Variants in SGO2 observed in about 807,000 individuals in gnomAD.
SGO2 encodes the protein shugoshin-like 2.
SGO2 carries 68 observed loss-of-function variants against 99.5 expected under a neutral mutation model. That is an observed-to-expected ratio of 0.68 (90% CI 0.56 to 0.84). The LOEUF is 0.84. Among genes scored for constraint, SGO2 ranks in the 40% least tolerant of loss-of-function variants. The pLI, the probability that SGO2 is intolerant of heterozygous loss-of-function variation, is 0.00. For missense variants in SGO2, 1,350 were observed against 1,436.7 expected, an observed-to-expected ratio of 0.94 and a Z score of 0.97; for synonymous variants, 457 against 487.1, an observed-to-expected ratio of 0.94 and a Z score of 0.81.
intron 5 of SGO2, among the ~76,000 whole-genome samples, chr2:200,545,947 A>C (rs2032189947): frequency 6.6e-6 from 1 of 152,198 alleles, no homozygotes; most frequent in Admixed American, 6.5e-5. Flanking sequence ...TCTGCTCTGT[A>C]ACTCAGCCAA....
intron 8 of SGO2, among the ~76,000 whole-genome samples, chr2:200,581,238 T>G (rs914178323): frequency 6.6e-6 from 1 of 152,148 alleles, no homozygotes. Flanking sequence ...CTGTATTTAT[T>G]ATGTTGCTTA....
chr2:200,567,743 A>G (rs925118879), intron 5 of SGO2, among the ~76,000 whole-genome samples: 2 of 152,142 alleles, frequency 1.3e-5, no homozygotes, highest in African/African-American at 4.8e-5. Context: ...TTCACTTAGC[A>G]TATTGTTTTC....
At chr2:200,554,223 T>A (rs1329974341) in intron 5 of SGO2, among the ~76,000 whole-genome samples, 1 of 152,146 alleles carries the variant, frequency 6.6e-6, no homozygotes, top group African/African-American at 2.4e-5. Flanking sequence ...AAGCTGTAAA[T>A]AGCTCAAAAG....
chr2:200,532,276 TTTTTTTTG>T (rs934893211), intron 1 of SGO2: 6 of 381,638 alleles, frequency 1.6e-5, no homozygotes, highest in African/African-American at 2.5e-5. Flanking sequence ...TTTTTTGTTT[TTTTTTTTG>T]TTTTTTTTTT....
At position 200,573,374 on chromosome 2, in the gene SGO2, A is replaced by G; in HGVS notation, c.3028A>G (p.Thr1010Ala). The part of the protein sequence containing the change: ...KAKNKLASQL[T>A]ESSQTSISLE... ...TAAGAACAAACTTGCTTCACAGTTA[A>G]CAGAATCTTCACAGACATCTATCTC... The change falls in exon 7 of 9, where the codon ACA (threonine) becomes GCA (alanine). Residue 1010 changes from threonine to alanine, a missense_variant. Transcript: ENST00000357799. 6.2e-7 allele frequency: 1 copy of G among 1,602,462 alleles called. No homozygotes were observed.
At chr2:200,541,705 C>G (rs1574842320) in intron 4 of SGO2, among the ~76,000 whole-genome samples, 1 of 152,208 alleles carries the variant, frequency 6.6e-6, no homozygotes, top group African/African-American at 2.4e-5. Context: ...GGGATGTGCT[C>G]TTTAACACTG....
intron 5 of SGO2, among the ~76,000 whole-genome samples, chr2:200,549,242 A>G (rs1335902005): frequency 6.6e-6 from 1 of 152,154 alleles, no homozygotes; most frequent in East Asian, 1.9e-4. Flanking sequence ...TGTTCACACC[A>G]CTGCACTCCA....
At chr2:200,540,340 G>A (rs2031904095) in intron 4 of SGO2, among the ~76,000 whole-genome samples, 1 of 152,138 alleles carries the variant, frequency 6.6e-6, no homozygotes. Context: ...TTGTGTTTAA[G>A]CAGACCTCCT....
At chr2:200,543,667 C>T (rs1033333731) in intron 5 of SGO2, 2 of 152,030 alleles carry the variant, frequency 1.3e-5, no homozygotes, top group Non-Finnish European at 2.9e-5. Flanking sequence ...ATTGACTTGC[C>T]TATTATGTGT....
chr2:200,557,984 C>T (rs1415866925), intron 5 of SGO2, among the ~76,000 whole-genome samples: 2 of 151,874 alleles, frequency 1.3e-5, no homozygotes, highest in East Asian at 3.9e-4. Flanking sequence ...CTGCCTCAGC[C>T]TCCTGAGTAG....
intron 5 of SGO2, among the ~76,000 whole-genome samples, chr2:200,568,329 A>G (rs2033269080): frequency 6.6e-6 from 1 of 152,056 alleles, no homozygotes; most frequent in Non-Finnish European, 1.5e-5. Context: ...CATATATTGG[A>G]TAATATTAGA....
At chr2:200,561,844 G>A (rs2032984364) in intron 5 of SGO2, among the ~76,000 whole-genome samples, 1 of 152,192 alleles carries the variant, frequency 6.6e-6, no homozygotes, top group Non-Finnish European at 1.5e-5. Flanking sequence ...TCTGTTGGCT[G>A]CATAAATGTC....
At chr2:200,535,752 C>T (rs1331524862) in intron 3 of SGO2, among the ~76,000 whole-genome samples, 3 of 151,816 alleles carry the variant, frequency 2.0e-5, no homozygotes, top group Non-Finnish European at 2.9e-5. Context: ...TGTTCTCTTG[C>T]CATGTGATAT....
At position 200,573,653 on chromosome 2, in the gene SGO2, G is replaced by A. The variant is rs186303118; in HGVS notation, c.3307G>A (p.Val1103Ile). The A allele has an allele frequency of 4.1e-5, 66 of 1,613,224 alleles. No homozygotes were observed. In the African/African-American group the frequency reaches 4.9e-4, roughly 12 times the overall value. The change falls in exon 7 of 9, where the codon GTT becomes ATT. Residue 1103 changes from valine to isoleucine, a missense_variant. Transcript: ENST00000357799. ...HEVMERILDSVQGKSTVSEQA... is the reference protein window; with the variant it reads ...HEVMERILDSIQGKSTVSEQA... Reference sequence around the variant, plus strand: ...AGTAATGGAAAGAATACTTGACAGCGTTCAGGGAAAGTCTACTGTATCTGA... The same window carrying A: ...AGTAATGGAAAGAATACTTGACAGCATTCAGGGAAAGTCTACTGTATCTGA...
intron 5 of SGO2, among the ~76,000 whole-genome samples, chr2:200,556,173 C>G (rs1252231042): frequency 1.3e-5 from 2 of 152,132 alleles, no homozygotes; most frequent in Non-Finnish European, 2.9e-5. Context: ...TCATTGTTGG[C>G]CAGGCTGGTC....
intron 5 of SGO2, chr2:200,543,474 T>C (rs1251701917): frequency 1.3e-5 from 2 of 152,238 alleles, no homozygotes; most frequent in Admixed American, 1.3e-4. Flanking sequence ...AATGAATTGA[T>C]AGCATTGACC....
intron 3 of SGO2, among the ~76,000 whole-genome samples, chr2:200,535,418 T>C (rs1391607012): frequency 6.6e-6 from 1 of 152,172 alleles, no homozygotes; most frequent in Non-Finnish European, 1.5e-5. Context: ...CAACATTCGA[T>C]TGCTAATCAT....
rs544483062 is a variant in SGO2, at chr2:200,559,539, A to G, written c.474-10124A>G. 1.4e-3 allele frequency among the ~76,000 whole-genome samples: 216 copies of G among 152,072 alleles called. 1 individual carries two copies. The highest frequency in any genetic ancestry group is 4.9e-3 in the African/African-American group (202 of 41,478). On this transcript the variant is annotated intron_variant, in intron 5 of 8. Coordinates refer to ENST00000357799, the MANE Select transcript of SGO2 (RefSeq NM_152524.6). ...TTATCAATTTTCAGCCTCTCTTTTAAAAAAATAAGCATTTAAGGTTATTTT... is the reference window on the plus strand; with the variant it reads ...TTATCAATTTTCAGCCTCTCTTTTAGAAAAATAAGCATTTAAGGTTATTTT...
At chr2:200,542,378 G>A (rs1171729535) in intron 4 of SGO2, among the ~76,000 whole-genome samples, 1 of 152,016 alleles carries the variant, frequency 6.6e-6, no homozygotes, top group Non-Finnish European at 1.5e-5. Context: ...CCAAAATGTT[G>A]GCAGTGATTA....
Sources: allele counts gnomAD v4.1 joint callset (sites outside exome capture counted in the v4.1 genomes callset), GRCh38; gene constraint gnomAD v4.1.1; transcripts MANE v1.5; gene names NCBI Gene and HGNC (gene_info 2026-07-23, HGNC 2026-07-21).